Variants in USH2A observed in about 807,000 individuals in gnomAD.
The protein encoded by USH2A is Usher syndrome 2A (autosomal recessive, mild).
In USH2A, 443 loss-of-function variants were observed where a neutral mutation model predicts 538.9. The observed-to-expected ratio is 0.82, with a 90% CI of 0.76 to 0.89. The LOEUF (loss-of-function observed/expected upper bound fraction) is 0.89, where lower values mean the gene tolerates loss of function less well. Ranked by LOEUF, USH2A falls within the 40% of genes least tolerant of loss-of-function variation. The probability of loss-of-function intolerance (pLI) is 0.00; values close to 1 mark genes in which losing one functional copy is unlikely to be tolerated. For synonymous variants in USH2A, 2,413 were observed against 2,273.5 expected (o/e 1.06, Z -1.75); for missense variants, 6,633 against 6,324.8 (o/e 1.05, Z -1.65).
At chr1:215,648,491 C>G in intron 66 of USH2A, 37 bp downstream of exon 66, 1 of 1,603,468 alleles carries the variant, frequency 6.2e-7, no homozygotes, top group East Asian at 2.2e-5. Flanking sequence ...GTACACATGC[C>G]TTGTTAGTTT....
intron 44 of USH2A, among the ~76,000 whole-genome samples, chr1:215,859,701 A>G (rs1162709123): frequency 6.6e-6 from 1 of 152,126 alleles, no homozygotes; most frequent in Non-Finnish European, 1.5e-5. Context: ...GGATGACTGT[A>G]TTTCTTTAGA....
chr1:215,898,791 T>C (rs1665412584), intron 40 of USH2A, among the ~76,000 whole-genome samples: 1 of 152,202 alleles, frequency 6.6e-6, no homozygotes, highest in South Asian at 2.1e-4. Flanking sequence ...AGTCCATAAA[T>C]CTGGTGATCA....
intron 21 of USH2A, among the ~76,000 whole-genome samples, chr1:216,116,807 G>A (rs1397449973): frequency 6.6e-6 from 1 of 151,838 alleles, no homozygotes; most frequent in Non-Finnish European, 1.5e-5. Flanking sequence ...GAAGGTGCTG[G>A]CTAATCTAAC....
At chr1:215,879,622 T>A (rs559329705) in intron 41 of USH2A, among the ~76,000 whole-genome samples, 1 of 152,222 alleles carries the variant, frequency 6.6e-6, no homozygotes, top group Non-Finnish European at 1.5e-5. Context: ...CTTATTTATA[T>A]ATAACTTAGC....
At chr1:216,317,458 C>T (rs902158799) in intron 9 of USH2A, among the ~76,000 whole-genome samples, 4 of 151,970 alleles carry the variant, frequency 2.6e-5, no homozygotes, top group African/African-American at 9.7e-5. Context: ...GACTTAATAC[C>T]TAGGTGAGGG....
At chr1:215,794,720 C>T (rs1385752614) in intron 50 of USH2A, among the ~76,000 whole-genome samples, 2 of 152,148 alleles carry the variant, frequency 1.3e-5, no homozygotes, top group Admixed American at 1.3e-4. Context: ...AACTCTAGAG[C>T]TTATCTTGAT....
At chr1:215,789,670 G>T (rs187926584) in intron 51 of USH2A, among the ~76,000 whole-genome samples, 3 of 152,240 alleles carry the variant, frequency 2.0e-5, no homozygotes, top group Admixed American at 2.0e-4. Flanking sequence ...AAAGGAAAGT[G>T]GTGGATGATG....
intron 14 of USH2A, among the ~76,000 whole-genome samples, chr1:216,218,092 A>AT (rs1471280566): frequency 7.9e-5 from 12 of 152,104 alleles, no homozygotes; most frequent in African/African-American, 2.9e-4. Context: ...AGGTTCAAAT[A>AT]TTTTTGATGC....
chr1:216,106,029 ATTTTCT>A (rs912113727), intron 21 of USH2A, among the ~76,000 whole-genome samples: 5 of 151,124 alleles, frequency 3.3e-5, no homozygotes, highest in African/African-American at 1.2e-4. Flanking sequence ...TGACAAATAC[ATTTTCT>A]TTTCCTTTTC....
chr1:216,199,761 C>G lies in USH2A; in HGVS notation c.3677G>C (p.Gly1226Ala). The stretch of plus-strand genomic sequence containing the variant: ...AATGGGCAAGCTGTGTAAACAGCCC[C>G]CGCTAGTACACGCCTGTACAGAAAA... ...YDFSVQACTS[G>A]GCLHSLPITV... Residue 1226 changes from glycine to alanine, a missense_variant, in exon 17 of 72, where the codon GGG becomes GCG. By Grantham distance (60) the Gly-to-Ala change is moderately conservative. Transcript: ENST00000307340. The G allele has an allele frequency of 6.2e-7, 1 of 1,614,070 alleles. No individual in the cohort carries two copies. Among genetic ancestry groups the G allele is most frequent in the Non-Finnish European group, 8.5e-7 (1 of 1,179,994 alleles).
At chr1:215,912,798 C>A (rs1471571356) in intron 38 of USH2A, among the ~76,000 whole-genome samples, 1 of 152,024 alleles carries the variant, frequency 6.6e-6, no homozygotes, top group African/African-American at 2.4e-5. Context: ...CTGTTCCTCT[C>A]CATCTTCCCA....
chr1:215,738,960 A>T (rs1431432253), intron 60 of USH2A, among the ~76,000 whole-genome samples: 1 of 152,138 alleles, frequency 6.6e-6, no homozygotes, highest in Non-Finnish European at 1.5e-5. Flanking sequence ...CAAATTTCTG[A>T]TTATTTTTTG....
intron 21 of USH2A, among the ~76,000 whole-genome samples, chr1:216,107,446 A>C (rs1216820026): frequency 1.3e-5 from 2 of 151,752 alleles, no homozygotes; most frequent in African/African-American, 4.8e-5. Flanking sequence ...CCATTTTCTT[A>C]TGATAAATGT....
intron 21 of USH2A, among the ~76,000 whole-genome samples, chr1:216,146,079 G>T (rs992358584): frequency 6.6e-6 from 1 of 152,156 alleles, no homozygotes; most frequent in African/African-American, 2.4e-5. Flanking sequence ...CGGATCGGGG[G>T]ACCTCCCTTG....
At chr1:216,194,062 C>T (rs2034781312) in intron 19 of USH2A, 1 of 152,088 alleles carries the variant, frequency 6.6e-6, no homozygotes, top group African/African-American at 2.4e-5. Context: ...TGAAAGAGTT[C>T]CCCCAATAAA....
chr1:215,807,650 C>T (rs965654998), intron 49 of USH2A, among the ~76,000 whole-genome samples: 2 of 151,918 alleles, frequency 1.3e-5, no homozygotes, highest in African/African-American at 4.8e-5. Context: ...TGCTAAAAGT[C>T]AACTTAGAGA....
chr1:215,642,195 C>T (rs766349904), intron 67 of USH2A, among the ~76,000 whole-genome samples: 6 of 152,170 alleles, frequency 3.9e-5, no homozygotes, highest in East Asian at 1.9e-4. Flanking sequence ...CCAAGGAAGA[C>T]TGAAAAAGCT....
At chr1:216,407,346 TTAAA>T (rs1184482285) in intron 3 of USH2A, among the ~76,000 whole-genome samples, 1 of 151,968 alleles carries the variant, frequency 6.6e-6, no homozygotes, top group Non-Finnish European at 1.5e-5. Flanking sequence ...ACAGTTGTTG[TTAAA>T]TAATTCTAAA....
In USH2A at chr1:216,365,054, T is replaced by C. The variant is rs1267863831; in HGVS notation, c.683A>G (p.Asn228Ser). 10 of 1,613,266 alleles carry C rather than the reference T, an allele frequency of 6.2e-6. No individual in the cohort carries two copies. The highest frequency in any genetic ancestry group is 7.6e-6 in the Non-Finnish European group (9 of 1,179,558). The change falls in exon 4 of 72, where the codon AAT (asparagine) becomes AGT (serine). Residue 228 changes from asparagine (N) to serine (S), a missense_variant. By Grantham distance (46) the Asn-to-Ser change is conservative. Transcript: ENST00000307340. ...AGGTGTATGATCCTTCTCCACGCCA[T>C]TGATAAAGAAGCTGATTTTTGTCTG... ...VHQTKISFFI[N>S]GVEKDHTPFN... is the part of the protein sequence containing the mutation.
Sources: gnomAD v4.1 joint callset for allele counts (sites outside exome capture counted in the v4.1 genomes callset) on GRCh38, gnomAD v4.1.1 for gene constraint, MANE v1.5 for transcripts, NCBI Gene and HGNC (gene_info 2026-07-23, HGNC 2026-07-21) for gene names.